PCNX1: variants seen among roughly 807,000 people sequenced by gnomAD.
The protein encoded by PCNX1 is pecanex 1, also known as pecanex-like protein 1.
PCNX1 carries 78 observed loss-of-function variants against 242.2 expected under a neutral mutation model. The ratio of observed to expected loss-of-function variants is 0.32; its 90% CI spans 0.27 to 0.39. The LOEUF (loss-of-function observed/expected upper bound fraction) is 0.39. PCNX1 is among the 10% of genes least tolerant of loss of function. PCNX1 has a pLI of 1.00. For synonymous variants in PCNX1, 1,024 were observed against 1,032.9 expected (o/e 0.99, Z 0.17); for missense variants, 2,581 against 2,856.5 (o/e 0.90, Z 2.20).
At chr14:71,088,259 T>A in intron 28 of PCNX1, 71 bp from the exon 29 acceptor site, 1 of 808,176 alleles carries the variant, frequency 1.2e-6, no homozygotes, top group Non-Finnish European at 2.1e-6. Context: ...TTTCGCTATA[T>A]TATTTCGATT....
intron 6 of PCNX1, among the ~76,000 whole-genome samples, chr14:70,979,737 A>G (rs968004597): frequency 6.6e-6 from 1 of 152,146 alleles, no homozygotes; most frequent in Non-Finnish European, 1.5e-5. Context: ...GAAGTATTTT[A>G]AAAGTCCATA....
chr14:70,970,361 T>TTC (rs1566637506), intron 5 of PCNX1, among the ~76,000 whole-genome samples: 1 of 151,854 alleles, frequency 6.6e-6, no homozygotes, highest in East Asian at 1.9e-4. Context: ...GGGAGACCCT[T>TTC]TCTCTCTCTC....
At chr14:71,031,697 GA>G (rs2060388263) in intron 16 of PCNX1, 1 of 824,044 alleles carries the variant, frequency 1.2e-6, no homozygotes, top group Admixed American at 1.9e-5. Flanking sequence ...ATGAGCCCCA[GA>G]GCTAAGTGGC....
chr14:71,083,098 C>T (rs1280169408), intron 28 of PCNX1, among the ~76,000 whole-genome samples: 1 of 152,126 alleles, frequency 6.6e-6, no homozygotes, highest in Non-Finnish European at 1.5e-5. Flanking sequence ...TTTTATTACT[C>T]CTTAGCTTAT....
chr14:70,935,337 A>C (rs772590785), intron 1 of PCNX1, among the ~76,000 whole-genome samples: 33 of 152,328 alleles, frequency 2.2e-4, no homozygotes, highest in Non-Finnish European at 4.0e-4. Context: ...ACTTGAGGCC[A>C]AGAGTTTGAG....
rs544206196 is a variant in PCNX1 at position 70,977,179 on chromosome 14, G to A, written c.842G>A (p.Arg281Gln). 8.5e-5 allele frequency: 138 copies of A among 1,614,048 alleles called. No individual in the cohort carries two copies. The highest frequency in any genetic ancestry group is 1.1e-4 in the Non-Finnish European group (135 of 1,180,050). Residue 281 changes from arginine to glutamine, a missense_variant, in exon 6 of 36, where the codon CGA becomes CAA. Transcript: ENST00000304743. ...TCTTATAGAAAAGACCACCGGCCGC[G>A]AGGTGTACCACGGACTTCTAGCTCT... Reference protein sequence around the residue: ...SHSYRKDHRPRGVPRTSSSAV... With the variant: ...SHSYRKDHRPQGVPRTSSSAV...
chr14:70,949,497 A>G (rs1478199296), intron 2 of PCNX1, among the ~76,000 whole-genome samples: 2 of 151,916 alleles, frequency 1.3e-5, no homozygotes, highest in African/African-American at 4.8e-5. Context: ...CACCTTAAGC[A>G]AATTGTGATA....
intron 5 of PCNX1, among the ~76,000 whole-genome samples, chr14:70,975,732 G>C (rs1051081607): frequency 6.6e-6 from 1 of 151,840 alleles, no homozygotes; most frequent in African/African-American, 2.4e-5. Context: ...TGGTTGTCAA[G>C]CTATATTCCA....
chr14:70,977,238 T>C lies in PCNX1; in HGVS notation c.901T>C (p.Phe301Leu), dbSNP rs1486058383. The change falls in exon 6 of 36, where the codon TTT becomes CTT. Residue 301 changes from phenylalanine to leucine, a missense_variant. Physicochemically the swap from Phe to Leu is conservative, Grantham distance 22. This residue lies in a region of PCNX1 where 1,204 missense variants were observed against 1,216.7 expected (regional missense o/e 0.99). Coordinates refer to ENST00000304743, the MANE Select transcript of PCNX1 (RefSeq NM_014982.3). Reference sequence around the variant, plus strand: ...TTTTCCAGACACTTCACTGAATGATTTTCCCCTTTATCAGCAAAGACGTGG... The same window carrying C: ...TTTTCCAGACACTTCACTGAATGATCTTCCCCTTTATCAGCAAAGACGTGG... ...VAFPDTSLND[F>L]PLYQQRRGLD... The C allele has an allele frequency of 6.2e-7, 1 of 1,614,214 alleles. No individual in the cohort carries two copies. The highest frequency in any genetic ancestry group is 8.5e-7 in the Non-Finnish European group (1 of 1,180,014).
In PCNX1 at chr14:71,033,902, A is replaced by G. The variant is rs770422215; in HGVS notation, c.3669-29A>G. 7.8e-6 allele frequency: 9 copies of G among 1,148,068 alleles called. No individual in the cohort carries two copies. In the South Asian group the frequency reaches 9.3e-5, roughly 12 times the overall value. 71.1% of individuals were successfully genotyped at this position (1,148,068 alleles called of 1,614,324 possible). Reference sequence around the variant, plus strand: ...TTACTGGTTTTCAGATTATCTATGTATTTTCTGTTTTTTTTTCTTCACATA... The same window carrying G: ...TTACTGGTTTTCAGATTATCTATGTGTTTTCTGTTTTTTTTTCTTCACATA... On this transcript the variant is annotated intron_variant, in intron 17 of 35. Transcript: ENST00000304743.
intron 1 of PCNX1, among the ~76,000 whole-genome samples, chr14:70,920,131 T>C (rs1277039053): frequency 2.0e-5 from 3 of 152,200 alleles, no homozygotes; most frequent in Non-Finnish European, 1.5e-5. Flanking sequence ...TTTAAAACTT[T>C]ACATTTTGTT....
At chr14:70,938,709 A>G (rs2057109694) in intron 1 of PCNX1, among the ~76,000 whole-genome samples, 1 of 152,220 alleles carries the variant, frequency 6.6e-6, no homozygotes, top group Non-Finnish European at 1.5e-5. Context: ...GAATGGTACC[A>G]GTTCCTCCTT....
At chr14:70,944,567 T>C (rs956975853) in intron 1 of PCNX1, among the ~76,000 whole-genome samples, 1 of 152,184 alleles carries the variant, frequency 6.6e-6, no homozygotes, top group African/African-American at 2.4e-5. Flanking sequence ...AACTTTGGGC[T>C]TGGACTTTTG....
chr14:71,053,501 TGA>T (rs1481012696), intron 24 of PCNX1: 1 of 338,184 alleles, frequency 3.0e-6, no homozygotes, highest in Admixed American at 4.2e-5. Context: ...TATTTTTAGT[TGA>T]GATGGGGTTT....
In PCNX1 at chr14:70,969,129, AC is replaced by A; in HGVS notation, c.604+21del. 1 of 1,427,844 alleles carries A rather than the reference AC, an allele frequency of 7.0e-7. No homozygotes were observed. Among genetic ancestry groups the A allele is most frequent in the Non-Finnish European group, 9.9e-7 (1 of 1,009,878 alleles). The allele number at this position is 1,427,844 out of a possible 1,614,324, so 88.4% of individuals were successfully genotyped here. A position where few individuals can be genotyped will look rare whatever the true frequency, so the allele number is the denominator to read the frequency against. The stretch of plus-strand genomic sequence containing the variant: ...GAACAAGGTAAGAACGTTATACTTT[AC>A]CATGATGTCATATACTGTGGTGACC... On this transcript the variant is annotated intron_variant, in intron 5 of 35. Coordinates refer to ENST00000304743, the MANE Select transcript of PCNX1 (RefSeq NM_014982.3).
At chr14:71,020,196 G>C (rs573820689) in intron 12 of PCNX1, among the ~76,000 whole-genome samples, 1 of 152,262 alleles carries the variant, frequency 6.6e-6, no homozygotes, top group Admixed American at 6.5e-5. Flanking sequence ...TGGGCATTTG[G>C]GTTGGTTCCA....
At chr14:71,080,326 T>C (rs534722054) in intron 28 of PCNX1, among the ~76,000 whole-genome samples, 32 of 152,344 alleles carry the variant, frequency 2.1e-4, no homozygotes, top group Middle Eastern at 6.8e-3. Context: ...AGCTTTATTC[T>C]TTTTGCTTAG....
Position 71,008,310 on chromosome 14 carries a change from G to A in PCNX1, c.2630-1324G>A, listed in dbSNP as rs116732660. On this transcript the variant is annotated intron_variant, in intron 8 of 35. Coordinates refer to ENST00000304743, the MANE Select transcript of PCNX1 (RefSeq NM_014982.3). The stretch of plus-strand genomic sequence containing the variant: ...CCTTATTGCACACTCTGCATTGTAG[G>A]CATGGGAAAATCTGACTTTTAGCCT... Among the ~76,000 whole-genome samples the A allele has an allele frequency of 8.9e-3, 1,354 of 152,096 alleles. 9 individuals are homozygous for A. The highest frequency in any genetic ancestry group is 0.017 in the South Asian group (82 of 4,818).
rs115423104 is a variant in PCNX1, at chr14:70,999,159, A to G, written c.2629+3234A>G. 8.9e-3 allele frequency among the ~76,000 whole-genome samples: 1,359 copies of G among 152,292 alleles called. 10 individuals are homozygous for G. The highest frequency in any genetic ancestry group is 0.017 in the South Asian group (81 of 4,824). On this transcript the variant is annotated intron_variant, in intron 8 of 35. Transcript: ENST00000304743. ...TGTTTTATATCTGCTAATCTTTTCT[A>G]TAGAATTTGGCACTTCTCAGTTACT...
Sources: allele counts gnomAD v4.1 joint callset (sites outside exome capture counted in the v4.1 genomes callset), GRCh38; gene constraint gnomAD v4.1.1; regional missense constraint gnomAD v4.1.1; transcripts MANE v1.5; gene names NCBI Gene and HGNC (gene_info 2026-07-23, HGNC 2026-07-21).